SCUBE1: variants seen among roughly 807,000 people sequenced by gnomAD.
The protein encoded by SCUBE1 is signal peptide, CUB and EGF-like domain-containing protein 1.
In SCUBE1, 59 loss-of-function variants were observed where a neutral mutation model predicts 124.4. The observed-to-expected ratio is 0.47, with a 90% CI of 0.38 to 0.59. The LOEUF (loss-of-function observed/expected upper bound fraction) is 0.59, where lower values mean the gene tolerates loss of function less well. Among genes scored for constraint, SCUBE1 ranks in the 20% least tolerant of loss-of-function variants. SCUBE1 has a pLI of 0.00. For synonymous variants in SCUBE1, 545 were observed against 550.9 expected (o/e 0.99, Z 0.15); for missense variants, 1,150 against 1,371.2 (o/e 0.84, Z 2.55).
At chr22:43,209,713 G>A (rs551200596) in intron 19 of SCUBE1, among the ~76,000 whole-genome samples, 3 of 152,350 alleles carry the variant, frequency 2.0e-5, no homozygotes, top group Admixed American at 6.5e-5. Flanking sequence ...GCAGAAAGTG[G>A]TGGCAAGGGG....
At chr22:43,249,698 G>T (rs1923363957) in intron 6 of SCUBE1, among the ~76,000 whole-genome samples, 1 of 152,254 alleles carries the variant, frequency 6.6e-6, no homozygotes, top group Non-Finnish European at 1.5e-5. Flanking sequence ...GGCTCAGAGG[G>T]GTGAGGCTGT....
chr22:43,264,377 G>A (rs777410726), intron 4 of SCUBE1, among the ~76,000 whole-genome samples: 1 of 152,228 alleles, frequency 6.6e-6, no homozygotes, highest in Non-Finnish European at 1.5e-5. Flanking sequence ...TAAGAGACGA[G>A]GTCTGTCTGT....
intron 3 of SCUBE1, among the ~76,000 whole-genome samples, chr22:43,292,701 C>G (rs1411094743): frequency 2.6e-5 from 4 of 152,170 alleles, no homozygotes; most frequent in Non-Finnish European, 5.9e-5. Flanking sequence ...CTGCACTGAA[C>G]TGGGAGAGGA....
At chr22:43,227,605 C>A (rs577179270) in intron 9 of SCUBE1, 109 bp from the exon 10 acceptor site, 5 of 1,404,544 alleles carry the variant, frequency 3.6e-6, no homozygotes, top group Admixed American at 3.8e-5. Context: ...CCCACCGAGT[C>A]GGACAGCATC....
chr22:43,296,628 G>A (rs895292065), intron 3 of SCUBE1, among the ~76,000 whole-genome samples: 1 of 152,212 alleles, frequency 6.6e-6, no homozygotes, highest in African/African-American at 2.4e-5. Context: ...CTCCATGCCC[G>A]GTCCTGGGAG....
Position 43,255,751 on chromosome 22 carries a change from C to T in SCUBE1, c.727+2468G>A, listed in dbSNP as rs1923636383. Among the ~76,000 whole-genome samples, 2 of 151,902 alleles carry T rather than the reference C, an allele frequency of 1.3e-5. No homozygotes were observed. Among genetic ancestry groups the T allele is most frequent in the African/African-American group, 4.8e-5 (2 of 41,336 alleles). ...CAGGAACCTCCAAGGTGGGGGTGTT[C>T]AGGGCAAAGCAGAGAGGCAGCGAGG... On this transcript the variant is annotated intron_variant, in intron 6 of 21. Transcript: ENST00000360835. This position sits in a 1 kb window ranked among gnomAD's most constrained non-coding sequence, Gnocchi z 4.7.
intron 8 of SCUBE1, among the ~76,000 whole-genome samples, chr22:43,229,410 G>A (rs560096402): frequency 3.7e-4 from 57 of 152,190 alleles, no homozygotes; most frequent in African/African-American, 5.5e-4. Context: ...GCCACCTCAC[G>A]TCTTTTCTGG....
chr22:43,204,761 A>G (rs984898304), intron 21 of SCUBE1, among the ~76,000 whole-genome samples: 6 of 151,706 alleles, frequency 4.0e-5, no homozygotes, highest in Admixed American at 1.3e-4. Flanking sequence ...GCTGATCAAC[A>G]TGGGGAAACC....
At chr22:43,217,629 C>A (rs1440237752) in intron 15 of SCUBE1, among the ~76,000 whole-genome samples, 1 of 152,202 alleles carries the variant, frequency 6.6e-6, no homozygotes, top group Non-Finnish European at 1.5e-5. Flanking sequence ...TCACCTCTGG[C>A]CTCACTGTAC....
intron 3 of SCUBE1, among the ~76,000 whole-genome samples, chr22:43,292,235 T>C (rs940858961): frequency 1.3e-5 from 2 of 152,038 alleles, no homozygotes; most frequent in Admixed American, 1.3e-4. Flanking sequence ...GCTGCCAAGA[T>C]GGCTGTGGAA....
chr22:43,242,912 G>A (rs968554573), intron 6 of SCUBE1, among the ~76,000 whole-genome samples: 6 of 152,254 alleles, frequency 3.9e-5, no homozygotes, highest in African/African-American at 1.4e-4. Flanking sequence ...AGTGCCAAAG[G>A]AGACAGGCCT....
At chr22:43,232,146 T>C (rs999364578) in intron 7 of SCUBE1, 10 of 471,574 alleles carry the variant, frequency 2.1e-5, no homozygotes, top group South Asian at 9.7e-5. Context: ...ATGTGAGACA[T>C]TGAGTAGAGA....
chr22:43,302,155 T>C (rs1925798489), intron 3 of SCUBE1, among the ~76,000 whole-genome samples: 1 of 152,184 alleles, frequency 6.6e-6, no homozygotes, highest in African/African-American at 2.4e-5. Flanking sequence ...AGTGGGGAGC[T>C]TGTGCGGAGA....
chr22:43,231,441 A>C (rs1207876772), intron 8 of SCUBE1, among the ~76,000 whole-genome samples: 3 of 152,214 alleles, frequency 2.0e-5, no homozygotes, highest in Non-Finnish European at 4.4e-5. Context: ...CCACCTCCGA[A>C]GCCAGAGGAG....
At position 43,210,353 on chromosome 22, in the gene SCUBE1, C is replaced by G. The variant is rs1006808194; in HGVS notation, c.2384-113G>C. Reference sequence around the variant, plus strand: ...GGGCAGGGCTGGAAGGTGCTCTTGTCCCCCCCCACACTAGCCCTCGGACCC... The same window carrying G: ...GGGCAGGGCTGGAAGGTGCTCTTGTGCCCCCCCACACTAGCCCTCGGACCC... On this transcript the variant is annotated intron_variant, in intron 18 of 21. Transcript: ENST00000360835. This position sits in a 1 kb window ranked among gnomAD's most constrained non-coding sequence, Gnocchi z 4.5. 5.9e-6 allele frequency: 5 copies of G among 851,006 alleles called. No homozygotes were observed. The South Asian group carries it at 6.5e-5, about 11-fold the overall frequency. 52.7% of individuals were successfully genotyped at this position (851,006 alleles called of 1,614,324 possible). A position where few individuals can be genotyped will look rare whatever the true frequency, so the allele number is the denominator to read the frequency against.
At chr22:43,215,959 A>C (rs1307213613) in intron 15 of SCUBE1, among the ~76,000 whole-genome samples, 4 of 152,204 alleles carry the variant, frequency 2.6e-5, no homozygotes, top group Admixed American at 6.5e-5. Flanking sequence ...TCAAATGTGC[A>C]CAATTGGGGA....
rs116625412 is a variant in SCUBE1 at position 43,207,715 on chromosome 22, C to T, written c.2735-102G>A. ...TGCCCTCCCTCCTGTGCTCCAGCCA[C>T]GGGCTCTGGGCTATGGCTGGCCGCA... On this transcript the variant is annotated intron_variant, in intron 20 of 21. Transcript: ENST00000360835. The T allele has an allele frequency of 3.9e-3, 3,584 of 915,182 alleles. 82 individuals are homozygous for T. In the African/African-American group the frequency reaches 0.052, roughly 13 times the overall value. 56.7% of individuals were successfully genotyped at this position (915,182 alleles called of 1,614,324 possible). A position where few individuals can be genotyped will look rare whatever the true frequency, so the allele number is the denominator to read the frequency against.
intron 5 of SCUBE1, among the ~76,000 whole-genome samples, chr22:43,262,286 G>A (rs919859134): frequency 6.6e-6 from 1 of 152,188 alleles, no homozygotes; most frequent in Non-Finnish European, 1.5e-5. Flanking sequence ...GCAGAGTTCT[G>A]ATCTTTGGTC....
chr22:43,211,098 A>T lies in SCUBE1; in HGVS notation c.2222-15T>A. ...GGAGCAGTGCACTGCCGGGGGACAC[A>T]AGGCAGTGTGGTGGGTGTGGAGGGG... On this transcript the variant is annotated splice_polypyrimidine_tract_variant and intron_variant, in intron 17 of 21. Transcript: ENST00000360835. The surrounding 1 kb of genome is among the most constrained non-coding windows in gnomAD (Gnocchi z 4.5). The T allele has an allele frequency of 6.2e-7, 1 of 1,600,778 alleles. No homozygotes were observed. Among genetic ancestry groups the T allele is most frequent in the Non-Finnish European group, 8.5e-7 (1 of 1,173,366 alleles).
Sources: allele counts gnomAD v4.1 joint callset (sites outside exome capture counted in the v4.1 genomes callset), GRCh38; gene constraint gnomAD v4.1.1; non-coding constraint Gnocchi (gnomAD v3.1); transcripts MANE v1.5; gene names NCBI Gene and HGNC (gene_info 2026-07-23, HGNC 2026-07-21).